HERC1: variants seen among roughly 807,000 people sequenced by gnomAD.
The protein encoded by HERC1 is probable E3 ubiquitin-protein ligase HERC1.
HERC1 carries 160 observed loss-of-function variants against 554.3 expected under a neutral mutation model. The observed-to-expected ratio is 0.29, with a 90% CI of 0.25 to 0.33. HERC1 has a LOEUF of 0.33. HERC1 is among the 10% of genes least tolerant of loss of function. The pLI is 1.00. For synonymous variants in HERC1, 2,175 were observed against 2,131.7 expected (o/e 1.02, Z -0.56); for missense variants, 4,919 against 5,918.5 (o/e 0.83, Z 5.54).
chr15:63,677,881 G>A lies in HERC1; in HGVS notation c.7034C>T (p.Ala2345Val). The A allele has an allele frequency of 6.2e-7, 1 of 1,613,892 alleles. No individual in the cohort carries two copies. Among genetic ancestry groups the A allele is most frequent in the Non-Finnish European group, 8.5e-7 (1 of 1,179,842 alleles). Residue 2345 changes from alanine to valine, a missense_variant, in exon 37 of 78, where the codon GCC becomes GTC. By Grantham distance (64) the Ala-to-Val change is moderately conservative (BLOSUM62 0). Coordinates refer to ENST00000443617, the MANE Select transcript of HERC1 (RefSeq NM_003922.4). This position sits in a 1 kb window ranked among gnomAD's most constrained non-coding sequence, Gnocchi z 4.4. ...TTCTGCTTCATCCCATTGGACCTTG[G>A]CAGACGTGCTGCCCTCTTTGACCAC... ...LGVVKEGSTS[A>V]KVQWDEAEIT...
Position 63,716,354 on chromosome 15 carries a change from C to A in HERC1, c.4098G>T (p.Pro1366=), listed in dbSNP as rs188001046. 5.0e-6 allele frequency: 8 copies of A among 1,613,854 alleles called. No homozygotes were observed. In the South Asian group the frequency reaches 7.7e-5, roughly 16 times the overall value. ...GTTCCTCCTCTTCATCCTCTGGCTCCGGATGCCCCTCTTCCCGGTCTCTCT... is the reference window on the plus strand; with the variant it reads ...GTTCCTCCTCTTCATCCTCTGGCTCAGGATGCCCCTCTTCCCGGTCTCTCT... ...QAERDREEGH[P]EPEDEEEERE... Residue 1366 remains proline (P), a synonymous_variant, in exon 22 of 78, where the codon CCG becomes CCT. Coordinates refer to ENST00000443617, the MANE Select transcript of HERC1 (RefSeq NM_003922.4).
chr15:63,655,673 A>G, intron 50 of HERC1, 69 bp downstream of exon 50: 1 of 1,090,292 alleles, frequency 9.2e-7, no homozygotes, highest in South Asian at 1.6e-5. Context: ...TATACTAACA[A>G]TGTAAAAACA....
Position 63,749,458 on chromosome 15 carries a change from T to C in HERC1, c.2128A>G (p.Lys710Glu), listed in dbSNP as rs1225316553. Residue 710 changes from lysine (K) to glutamate (E), a missense_variant, in exon 10 of 78, where the codon AAG (lysine) becomes GAG (glutamate). This residue lies in a region of HERC1 where 744 missense variants were observed against 1,090.0 expected (regional missense o/e 0.68). Coordinates refer to ENST00000443617, the MANE Select transcript of HERC1 (RefSeq NM_003922.4). This position sits in a 1 kb window ranked among gnomAD's most constrained non-coding sequence, Gnocchi z 4.1. ...ATGCCATCTAAGCCACTCACTTTCT[T>C]TGGTTTAGTAATAGGACCTGTGGAA... ...GNSTGPITKP[K>E]KVSGLDGIAI... 1 of 1,613,744 alleles carries C rather than the reference T, an allele frequency of 6.2e-7. No individual in the cohort carries two copies. The highest frequency in any genetic ancestry group is 8.5e-7 in the Non-Finnish European group (1 of 1,179,782).
rs146235462 is a variant in HERC1 at position 63,732,653 on chromosome 15, C to A, written c.2868+271G>T. Among the ~76,000 whole-genome samples the A allele has an allele frequency of 7.3e-4, 111 of 152,266 alleles. 1 individual carries two copies. The East Asian group carries it at 0.02, about 27-fold the overall frequency. On this transcript the variant is annotated intron_variant, in intron 14 of 77. Coordinates refer to ENST00000443617, the MANE Select transcript of HERC1 (RefSeq NM_003922.4). Reference sequence around the variant, plus strand: ...CAAGGTTAATCCCTTGCTCATTATTCTTCTCTCTAAAAATGTTCCTATTTT... The same window carrying A: ...CAAGGTTAATCCCTTGCTCATTATTATTCTCTCTAAAAATGTTCCTATTTT...
intron 68 of HERC1, 59 bp downstream of exon 68, chr15:63,632,650 T>C (rs959404925): frequency 1.1e-5 from 12 of 1,127,582 alleles, no homozygotes; most frequent in Admixed American, 7.9e-5. Flanking sequence ...TCTGTAACAC[T>C]GGAAGGCCAA....
intron 1 of HERC1, among the ~76,000 whole-genome samples, chr15:63,791,330 G>A (rs2076646987): frequency 6.6e-6 from 1 of 152,036 alleles, no homozygotes; most frequent in Non-Finnish European, 1.5e-5. Context: ...ATTATGCTGG[G>A]ACTCAAAAAT....
rs1166486520 is a variant in HERC1 at position 63,729,921 on chromosome 15, A to T, written c.2869-272T>A. On this transcript the variant is annotated intron_variant, in intron 14 of 77. Coordinates refer to ENST00000443617, the MANE Select transcript of HERC1 (RefSeq NM_003922.4). Reference sequence around the variant, plus strand: ...GTGCCTGTAATCCCAGCTACCGGGGAGGCTGAGGCAGGAGAATTGCTTGAA... The same window carrying T: ...GTGCCTGTAATCCCAGCTACCGGGGTGGCTGAGGCAGGAGAATTGCTTGAA... 8.1e-5 allele frequency among the ~76,000 whole-genome samples: 12 copies of T among 148,086 alleles called. No homozygotes were observed. In the Admixed American group the frequency reaches 8.2e-4, roughly 10 times the overall value.
At chr15:63,745,091 G>C (rs1196614548) in intron 12 of HERC1, among the ~76,000 whole-genome samples, 1 of 152,158 alleles carries the variant, frequency 6.6e-6, no homozygotes, top group East Asian at 1.9e-4. Flanking sequence ...ACTCTGACTG[G>C]TCCCCTATCC....
chr15:63,820,863 C>A (rs1433566231), intron 1 of HERC1, among the ~76,000 whole-genome samples: 3 of 152,006 alleles, frequency 2.0e-5, no homozygotes, highest in Non-Finnish European at 2.9e-5. Context: ...AAATAACTTA[C>A]CAGAAACAAG....
chr15:63,767,605 G>A (rs1038331942), intron 2 of HERC1, among the ~76,000 whole-genome samples: 8 of 152,044 alleles, frequency 5.3e-5, no homozygotes, highest in Non-Finnish European at 1.2e-4. Context: ...GGCTGGGGCA[G>A]GAGAATCACT....
intron 2 of HERC1, among the ~76,000 whole-genome samples, chr15:63,767,366 C>T (rs927367897): frequency 4.0e-5 from 6 of 151,842 alleles, no homozygotes; most frequent in Admixed American, 2.6e-4. Context: ...GTAAATAAAA[C>T]AATGGTGAAC....
At chr15:63,786,928 T>A (rs902765574) in intron 1 of HERC1, among the ~76,000 whole-genome samples, 8 of 150,362 alleles carry the variant, frequency 5.3e-5, no homozygotes, top group Non-Finnish European at 1.0e-4. Flanking sequence ...TTATTTTTTT[T>A]TTTTTTATTT....
rs185923318 is a variant in HERC1 at position 63,774,357 on chromosome 15, T to G, written c.930+337A>C. On this transcript the variant is annotated intron_variant, in intron 2 of 77. Coordinates refer to ENST00000443617, the MANE Select transcript of HERC1 (RefSeq NM_003922.4). Reference sequence around the variant, plus strand: ...AATTGGGAAATATGAAAATAAGAGGTTTTTTTTTCTAAAGACCTGCTGATC... The same window carrying G: ...AATTGGGAAATATGAAAATAAGAGGGTTTTTTTTCTAAAGACCTGCTGATC... Among the ~76,000 whole-genome samples the G allele has an allele frequency of 4.7e-5, 7 of 150,440 alleles. No individual in the cohort carries two copies. The East Asian group carries it at 1.4e-3, about 29-fold the overall frequency.
At chr15:63,720,682 T>C (rs2073781734) in intron 19 of HERC1, among the ~76,000 whole-genome samples, 1 of 152,182 alleles carries the variant, frequency 6.6e-6, no homozygotes, top group African/African-American at 2.4e-5. Context: ...AATCTTAGAA[T>C]GACAATCCTC....
At chr15:63,787,596 T>G (rs2076498746) in intron 1 of HERC1, among the ~76,000 whole-genome samples, 1 of 152,108 alleles carries the variant, frequency 6.6e-6, no homozygotes, top group Admixed American at 6.5e-5. Flanking sequence ...AAGAATGACT[T>G]TGATGGGTCA....
chr15:63,680,248 TTA>T lies in HERC1; in HGVS notation c.6466-90_6466-89del. Reference sequence around the variant, plus strand: ...CTAACCACATTAGAATTGAAAGCTTTTATGAGACAGAACAAAAGTTACTAGAT... The same window carrying T: ...CTAACCACATTAGAATTGAAAGCTTTTGAGACAGAACAAAAGTTACTAGAT... On this transcript the variant is annotated intron_variant, in intron 35 of 77. Coordinates refer to ENST00000443617, the MANE Select transcript of HERC1 (RefSeq NM_003922.4). The surrounding 1 kb of genome is among the most constrained non-coding windows in gnomAD (Gnocchi z 5.8). 3.9e-6 allele frequency: 4 copies of T among 1,025,328 alleles called. No individual in the cohort carries two copies. The South Asian group carries it at 5.8e-5, about 15-fold the overall frequency. The allele number at this position is 1,025,328 out of a possible 1,614,324, so 63.5% of individuals were successfully genotyped here.
At chr15:63,656,438 C>G in intron 48 of HERC1, 80 bp from the exon 49 acceptor site, 1 of 1,212,280 alleles carries the variant, frequency 8.2e-7, no homozygotes, top group East Asian at 2.4e-5. Flanking sequence ...ACATAACATT[C>G]ACAGCATCAA....
At chr15:63,755,388 A>G (rs779351839) in intron 5 of HERC1, 63 bp from the exon 6 acceptor site, 45 of 1,221,580 alleles carry the variant, frequency 3.7e-5, no homozygotes, top group Non-Finnish European at 5.2e-5. Context: ...TCCGTATTTG[A>G]TCCTATACAC....
intron 1 of HERC1, chr15:63,779,789 G>A (rs2076227155): frequency 6.6e-6 from 1 of 152,152 alleles, no homozygotes; most frequent in African/African-American, 2.4e-5. Context: ...GTCGAGGTGG[G>A]AGGATCACGA....
Sources: gnomAD v4.1 joint callset for allele counts (sites outside exome capture counted in the v4.1 genomes callset) on GRCh38, gnomAD v4.1.1 for gene constraint, gnomAD v4.1.1 regional missense constraint, Gnocchi (gnomAD v3.1) non-coding constraint, MANE v1.5 for transcripts, NCBI Gene and HGNC (gene_info 2026-07-23, HGNC 2026-07-21) for gene names.